Variants in TENM1 observed in about 807,000 individuals in gnomAD.
The protein encoded by TENM1 is teneurin-1.
In TENM1, 35 loss-of-function variants were observed where a neutral mutation model predicts 174.8. That is an observed-to-expected ratio of 0.20 (90% confidence interval 0.15 to 0.27). The LOEUF is 0.27. TENM1 is among the 10% of genes least tolerant of loss of function. TENM1 has a pLI of 1.00. For synonymous variants in TENM1, 781 were observed against 798.7 expected (o/e 0.98, Z 0.37); for missense variants, 1,633 against 2,130.1 (o/e 0.77, Z 4.59).
At chrX:124,763,559 T>C (rs1048719849) in intron 3 of TENM1, among the ~76,000 whole-genome samples, 3 of 111,359 alleles carry the variant, frequency 2.7e-5, no homozygotes, top group Admixed American at 1.9e-4. Flanking sequence ...GTTCTTTGTG[T>C]CTCCAGGAGC....
chrX:124,972,072 A>C, the TENM1 span, among the ~76,000 whole-genome samples: 1 of 109,578 alleles, frequency 9.1e-6, no homozygotes, highest in African/African-American at 3.3e-5. Flanking sequence ...GTCTCTACTA[A>C]AAATACACAA....
chrX:124,917,570 A>G (rs2057947787), intron 1 of TENM1, among the ~76,000 whole-genome samples: 1 of 111,937 alleles, frequency 8.9e-6, no homozygotes, highest in Non-Finnish European at 1.9e-5. Flanking sequence ...GGACCAAAGA[A>G]AGCCTGGTGC....
the TENM1 span, among the ~76,000 whole-genome samples, chrX:125,164,893 G>C: frequency 2.7e-5 from 3 of 111,374 alleles, no homozygotes; most frequent in Non-Finnish European, 3.8e-5. Context: ...TTCTGGAAAA[G>C]GAATATGGCT....
At chrX:124,651,726 C>T (rs1036531607) in intron 8 of TENM1, among the ~76,000 whole-genome samples, 188 bp downstream of exon 11, 1 of 111,276 alleles carries the variant, frequency 9.0e-6, no homozygotes, top group Non-Finnish European at 1.9e-5. Context: ...TAAAAAAAAT[C>T]TTAATCAGCA....
chrX:124,593,920 C>T (rs2049826457), intron 11 of TENM1, among the ~76,000 whole-genome samples: 2 of 112,197 alleles, frequency 1.8e-5, no homozygotes, highest in African/African-American at 6.5e-5. Flanking sequence ...AGAGCAGGTG[C>T]TCCAATCTCT....
chrX:124,831,311 C>A (rs2147330461), intron 3 of TENM1, among the ~76,000 whole-genome samples: 1 of 111,741 alleles, frequency 8.9e-6, no homozygotes, highest in African/African-American at 3.2e-5. Flanking sequence ...TAAGGGAGCT[C>A]ATTGTACAAG....
At chrX:124,711,349 G>T (rs2053045697) in intron 4 of TENM1, among the ~76,000 whole-genome samples, 1 of 112,041 alleles carries the variant, frequency 8.9e-6, no homozygotes, top group African/African-American at 3.2e-5. Context: ...AATTCTGAGG[G>T]TATCTGCTAG....
intron 1 of TENM1, among the ~76,000 whole-genome samples, chrX:124,915,402 G>A (rs927293349): frequency 2.7e-5 from 3 of 111,675 alleles, no homozygotes; most frequent in South Asian, 3.8e-4. Context: ...GTGCATGCCC[G>A]TAATCCCAGC....
intron 6 of TENM1, among the ~76,000 whole-genome samples, chrX:124,668,683 A>T (rs1394254586): frequency 1.0e-5 from 1 of 99,919 alleles, no homozygotes; most frequent in Non-Finnish European, 2.0e-5. Context: ...GGAACATCAC[A>T]CTCTGGGGAC....
At chrX:124,509,831 C>T (rs2047539873) in intron 18 of TENM1, among the ~76,000 whole-genome samples, 1 of 107,399 alleles carries the variant, frequency 9.3e-6, no homozygotes. Context: ...AGTGATTCTC[C>T]TGCCTCAGCC....
At chrX:124,521,016 A>AT (rs2047836229) in intron 17 of TENM1, among the ~76,000 whole-genome samples, 1 of 111,214 alleles carries the variant, frequency 9.0e-6, no homozygotes, top group South Asian at 3.9e-4. Flanking sequence ...GATTGCATTT[A>AT]TTTTTTCCCC....
intron 3 of TENM1, among the ~76,000 whole-genome samples, chrX:124,859,926 T>G (rs2056882814): frequency 8.9e-6 from 1 of 112,261 alleles, no homozygotes; most frequent in African/African-American, 3.2e-5. Context: ...ATAAGAGTTG[T>G]TTGATGAAAC....
chrX:125,170,516 G>T, the TENM1 span, among the ~76,000 whole-genome samples: 1 of 111,255 alleles, frequency 9.0e-6, no homozygotes, highest in Non-Finnish European at 1.9e-5. Context: ...GAGTTCAGAC[G>T]ATCTCACCAT....
Position 124,497,056 on chromosome X carries a change from T to C in TENM1, c.3655A>G (p.Ile1219Val), listed in dbSNP as rs150306777. 901 of 1,208,315 alleles carry C rather than the reference T, an allele frequency of 7.5e-4. 7 individuals carry two copies. The African/African-American group carries it at 0.013, about 18-fold the overall frequency. ...CTAACGGAGTTTCCCGAGGGAAATATTCTCCTTACAAAATTGAAGTCGCCA... is the reference window on the plus strand; with the variant it reads ...CTAACGGAGTTTCCCGAGGGAAATACTCTCCTTACAAAATTGAAGTCGCCA... Residue 1219 changes from isoleucine to valine, a missense_variant, in exon 20 of 32, where the codon ATA (isoleucine) becomes GTA (valine). Ile to Val is a conservative substitution (Grantham distance 29). Transcript: ENST00000422452.
chrX:125,049,384 C>A, the TENM1 span, among the ~76,000 whole-genome samples: 1 of 112,167 alleles, frequency 8.9e-6, no homozygotes, highest in East Asian at 2.8e-4. Flanking sequence ...ATAATGTTTT[C>A]TAGGTTTATC....
intron 18 of TENM1, among the ~76,000 whole-genome samples, chrX:124,506,982 C>T (rs183820750): frequency 1.1e-4 from 12 of 111,820 alleles, no homozygotes; most frequent in African/African-American, 3.9e-4. Context: ...GCTAAATAAG[C>T]ACAGTGGACC....
At chrX:124,748,367 TTA>T (rs1357360157) in intron 3 of TENM1, among the ~76,000 whole-genome samples, 6 of 107,896 alleles carry the variant, frequency 5.6e-5, no homozygotes, top group African/African-American at 1.0e-4. Context: ...GAGAGAGAGA[TTA>T]TATATATATA....
intron 3 of TENM1, among the ~76,000 whole-genome samples, chrX:124,756,172 G>A (rs1337250288): frequency 2.0e-5 from 2 of 101,926 alleles, no homozygotes; most frequent in Admixed American, 1.0e-4. Flanking sequence ...ATATTTCTTG[G>A]AGGCTTTGTT....
At chrX:124,660,140 C>A (rs770072134) in intron 6 of TENM1, among the ~76,000 whole-genome samples, 93 of 110,748 alleles carry the variant, frequency 8.4e-4, no homozygotes, top group African/African-American at 2.8e-3. Context: ...ACTGGGAGGC[C>A]GAGACGGGTG....
Sources: gnomAD v4.1 joint callset for allele counts (sites outside exome capture counted in the v4.1 genomes callset) on GRCh38, gnomAD v4.1.1 for gene constraint, MANE v1.5 for transcripts, NCBI Gene and HGNC (gene_info 2026-07-23, HGNC 2026-07-21) for gene names.